The following RANBP9 variants were observed in gnomAD, a reference collection of about 807,000 sequenced individuals.
The protein encoded by RANBP9 is ran-binding protein 9.
Under a neutral mutation model 84.3 loss-of-function variants are expected in RANBP9, and 15 were observed. The observed-to-expected ratio is 0.18, with a 90% CI of 0.12 to 0.27. RANBP9 has a LOEUF of 0.27. Ranked by LOEUF, RANBP9 falls within the 10% of genes least tolerant of loss-of-function variation. RANBP9 has a pLI of 1.00. For synonymous variants in RANBP9, 392 were observed against 349.6 expected (o/e 1.12, Z -1.35); for missense variants, 809 against 912.8 (o/e 0.89, Z 1.46).
chr6:13,671,984 T>C (rs990344383), intron 2 of RANBP9, among the ~76,000 whole-genome samples: 6 of 152,136 alleles, frequency 3.9e-5, no homozygotes, highest in Admixed American at 3.3e-4. Context: ...TATAGACATA[T>C]GGAGCTATAT....
chr6:13,686,697 C>T (rs571659906), intron 2 of RANBP9, among the ~76,000 whole-genome samples: 1 of 152,320 alleles, frequency 6.6e-6, no homozygotes, highest in African/African-American at 2.4e-5. Flanking sequence ...AGCCACCACG[C>T]CTGGCCTTGA....
rs186703796 is a variant in RANBP9 at position 13,703,443 on chromosome 6, T to C, written c.572-6547A>G. Among the ~76,000 whole-genome samples, 68 of 152,352 alleles carry C rather than the reference T, an allele frequency of 4.5e-4. 1 individual carries two copies. The East Asian group carries it at 0.012, about 27-fold the overall frequency. On this transcript the variant is annotated intron_variant, in intron 1 of 13. Coordinates refer to ENST00000011619, the MANE Select transcript of RANBP9 (RefSeq NM_005493.3). Reference sequence around the variant, plus strand: ...ACTGCCAACCCTTCCTAGGAGAAACTGCCTCACACATTGCCCCTACCGAAA... The same window carrying C: ...ACTGCCAACCCTTCCTAGGAGAAACCGCCTCACACATTGCCCCTACCGAAA...
In RANBP9 at chr6:13,711,567, G is replaced by C. The variant is rs915189455; in HGVS notation, c.-62C>G. 4.1e-6 allele frequency: 5 copies of C among 1,225,822 alleles called. No individual in the cohort carries two copies. Among genetic ancestry groups the C allele is most frequent in the South Asian group, 3.4e-5 (1 of 29,470 alleles). The allele number at this position is 1,225,822 out of a possible 1,614,324, so 75.9% of individuals were successfully genotyped here. ...TTCTCTCCTTCCTCCTCTGCTTCCC[G>C]GGGGCGCTGTCGCTGCGGCCGCCGG... is the stretch of plus-strand genomic sequence containing the variant. On this transcript the variant is annotated 5_prime_UTR_variant, in exon 1 of 14. Transcript: ENST00000011619.
chr6:13,711,038 C>T lies in RANBP9; in HGVS notation c.468G>A (p.Pro156=). The change falls in exon 1 of 14, where the codon CCG becomes CCA. Residue 156 remains proline, a synonymous_variant. Coordinates refer to ENST00000011619, the MANE Select transcript of RANBP9 (RefSeq NM_005493.3). ...ELQRRLKRLY[P]AVDEQETPLP... ...GCGGCGTCTCTTGTTCGTCCACGGC[C>T]GGGTAGAGACGCTTCAGCCGCCGCT... The T allele has an allele frequency of 6.3e-7, 1 of 1,594,590 alleles. No individual in the cohort carries two copies. The highest frequency in any genetic ancestry group is 8.5e-7 in the Non-Finnish European group (1 of 1,171,536).
chr6:13,653,084 T>G (rs1258857052), intron 4 of RANBP9, among the ~76,000 whole-genome samples: 2 of 152,200 alleles, frequency 1.3e-5, no homozygotes, highest in Non-Finnish European at 2.9e-5. Context: ...TAGATTTAGC[T>G]TTTAAATAAT....
intron 10 of RANBP9, among the ~76,000 whole-genome samples, chr6:13,635,204 C>A (rs1268623629): frequency 6.6e-6 from 1 of 152,162 alleles, no homozygotes; most frequent in Non-Finnish European, 1.5e-5. Flanking sequence ...TAAAGTATTG[C>A]TGAATCTTAA....
chr6:13,635,158 A>G (rs1409429836), intron 10 of RANBP9, among the ~76,000 whole-genome samples: 1 of 152,196 alleles, frequency 6.6e-6, no homozygotes, highest in Non-Finnish European at 1.5e-5. Flanking sequence ...TTTTCACCAC[A>G]CGACAGAGAG....
chr6:13,681,047 T>C (rs1562316174), intron 2 of RANBP9, among the ~76,000 whole-genome samples: 1 of 152,118 alleles, frequency 6.6e-6, no homozygotes, highest in East Asian at 1.9e-4. Flanking sequence ...TATATGCTCA[T>C]AAAATATAGA....
In RANBP9 at chr6:13,622,253, C is replaced by T; in HGVS notation, c.*109G>A. 2 of 1,172,532 alleles carry T rather than the reference C, an allele frequency of 1.7e-6. No individual in the cohort carries two copies. Among genetic ancestry groups the T allele is most frequent in the East Asian group, 2.9e-5 (1 of 34,888 alleles). The allele number at this position is 1,172,532 out of a possible 1,614,324, so 72.6% of individuals were successfully genotyped here. Reference sequence around the variant, plus strand: ...GGAAGCAATGTAAAGCGACAAAAACCTGTCCCCAGTACATAATTTAAAAAA... The same window carrying T: ...GGAAGCAATGTAAAGCGACAAAAACTTGTCCCCAGTACATAATTTAAAAAA... On this transcript the variant is annotated 3_prime_UTR_variant, in exon 14 of 14. Coordinates refer to ENST00000011619, the MANE Select transcript of RANBP9 (RefSeq NM_005493.3).
intron 8 of RANBP9, among the ~76,000 whole-genome samples, chr6:13,640,457 A>G (rs1156383362): frequency 6.6e-6 from 1 of 152,196 alleles, no homozygotes; most frequent in Non-Finnish European, 1.5e-5. Context: ...TTGTACACCT[A>G]TGTTCACAGC....
chr6:13,629,230 C>A (rs1223503920), intron 12 of RANBP9, among the ~76,000 whole-genome samples: 1 of 152,198 alleles, frequency 6.6e-6, no homozygotes, highest in African/African-American at 2.4e-5. Flanking sequence ...CCTGCCTCAG[C>A]CTCCCAAAGT....
intron 12 of RANBP9, among the ~76,000 whole-genome samples, chr6:13,630,852 T>G (rs1396723705): frequency 6.6e-6 from 1 of 152,152 alleles, no homozygotes; most frequent in Non-Finnish European, 1.5e-5. Context: ...TATTTTTTTT[T>G]TTTTAAGAGG....
intron 2 of RANBP9, among the ~76,000 whole-genome samples, chr6:13,692,354 G>T (rs933878053): frequency 6.6e-6 from 1 of 151,130 alleles, no homozygotes; most frequent in Non-Finnish European, 1.5e-5. Flanking sequence ...TGGCCAACAT[G>T]GCAAAACACA....
At position 13,634,528 on chromosome 6, in the gene RANBP9, A is replaced by T; in HGVS notation, c.1698T>A (p.Asp566Glu). ...FTSNDVDMETDHYSNGVGETS... is the reference protein window; with the variant it reads ...FTSNDVDMETEHYSNGVGETS... ...TTTCTCCAACTCCATTGGAGTAGTG[A>T]TCTGTTTCCATGTCTACATCATTAC... is the stretch of plus-strand genomic sequence containing the variant. The change falls in exon 11 of 14, where the codon GAT becomes GAA. Residue 566 changes from aspartate (D) to glutamate (E), a missense_variant. By Grantham distance (45) the Asp-to-Glu change is conservative. Coordinates refer to ENST00000011619, the MANE Select transcript of RANBP9 (RefSeq NM_005493.3). 1 of 1,612,950 alleles carries T rather than the reference A, an allele frequency of 6.2e-7. No homozygotes were observed. Among genetic ancestry groups the T allele is most frequent in the Non-Finnish European group, 8.5e-7 (1 of 1,179,180 alleles).
At chr6:13,681,690 T>TAA (rs1336233121) in intron 2 of RANBP9, among the ~76,000 whole-genome samples, 2 of 152,210 alleles carry the variant, frequency 1.3e-5, no homozygotes, top group African/African-American at 4.8e-5. Context: ...CTTCCTCTAC[T>TAA]TACAGCCAAC....
At chr6:13,671,463 A>G (rs1456302040) in intron 2 of RANBP9, among the ~76,000 whole-genome samples, 1 of 152,238 alleles carries the variant, frequency 6.6e-6, no homozygotes, top group East Asian at 1.9e-4. Flanking sequence ...AAAGGAATGG[A>G]GTATTGATAT....
intron 1 of RANBP9, 36 bp downstream of exon 1, chr6:13,710,899 G>A: frequency 6.4e-7 from 1 of 1,561,886 alleles, no homozygotes; most frequent in Non-Finnish European, 8.7e-7. Context: ...CGTCGGGTCA[G>A]TGCCCCACTC....
chr6:13,709,209 C>T (rs1758210009), intron 1 of RANBP9, among the ~76,000 whole-genome samples: 1 of 152,186 alleles, frequency 6.6e-6, no homozygotes, highest in Admixed American at 6.5e-5. Context: ...ACTAAATAAA[C>T]AGTAATCACG....
chr6:13,682,803 GAAT>G (rs1219600583), intron 2 of RANBP9, among the ~76,000 whole-genome samples: 2 of 152,004 alleles, frequency 1.3e-5, no homozygotes, highest in Admixed American at 6.5e-5. Context: ...AAGATTCTCA[GAAT>G]AAGAAAAAAG....
Sources: allele counts gnomAD v4.1 joint callset (sites outside exome capture counted in the v4.1 genomes callset), GRCh38; gene constraint gnomAD v4.1.1; transcripts MANE v1.5; gene names NCBI Gene and HGNC (gene_info 2026-07-23, HGNC 2026-07-21).